DDHD2: variants seen among roughly 807,000 people sequenced by gnomAD.
DDHD2 encodes the protein DDHD domain containing 2.
DDHD2 carries 62 observed loss-of-function variants against 91.2 expected under a neutral mutation model. That is an observed-to-expected ratio of 0.68 (90% confidence interval 0.55 to 0.84). The LOEUF (loss-of-function observed/expected upper bound fraction) is 0.84. Ranked by LOEUF, DDHD2 falls within the 40% of genes least tolerant of loss-of-function variation. The probability of loss-of-function intolerance (pLI) is 0.00; values close to 1 mark genes in which losing one functional copy is unlikely to be tolerated. For synonymous variants in DDHD2, 271 were observed against 293.9 expected (o/e 0.92, Z 0.80); for missense variants, 740 against 846.9 (o/e 0.87, Z 1.57).
intron 9 of DDHD2, 70 bp from the exon 10 acceptor site, chr8:38,247,643 T>A: frequency 1.0e-6 from 1 of 1,002,078 alleles, no homozygotes. Context: ...ATGTATTTCT[T>A]TACTGCAAAA....
intron 1 of DDHD2, among the ~76,000 whole-genome samples, chr8:38,269,535 C>T (rs1280541573): frequency 6.6e-6 from 1 of 152,238 alleles, no homozygotes; most frequent in Non-Finnish European, 1.5e-5. Flanking sequence ...GAAAACCAAA[C>T]AGCCCGCTCT....
At chr8:38,237,993 G>A in intron 4 of DDHD2, 96 bp from the exon 5 acceptor site, 2 of 1,257,270 alleles carry the variant, frequency 1.6e-6, no homozygotes, top group South Asian at 3.3e-5. Context: ...ATTTTACTGT[G>A]TGGTTTGAAA....
downstream of DDHD2, chr8:38,264,448 A>C (rs776817022): frequency 5.8e-5 from 89 of 1,546,362 alleles, no homozygotes; most frequent in Non-Finnish European, 6.8e-5. Context: ...CAATTTTTAA[A>C]TATCAAAACA....
intron 16 of DDHD2, among the ~76,000 whole-genome samples, chr8:38,258,965 T>C (rs888527078): frequency 1.3e-5 from 2 of 152,196 alleles, no homozygotes; most frequent in African/African-American, 2.4e-5. Context: ...TAGAATAATA[T>C]CTGGAAAACG....
chr8:38,247,739 A>G lies in DDHD2; in HGVS notation c.1152A>G (p.Gln384=), dbSNP rs779860077. ...ATTCGCTAAATATTGTAATGGATCA[A>G]GGAGATACACCTACACTAGAGGAAG... ...EKDSLNIVMD[Q]GDTPTLEEDL... Residue 384 remains glutamine (Q), a synonymous_variant, in exon 10 of 18, where the codon CAA becomes CAG. Coordinates refer to ENST00000397166, the MANE Select transcript of DDHD2 (RefSeq NM_015214.3). 5.2e-6 allele frequency: 8 copies of G among 1,546,052 alleles called. No homozygotes were observed. The highest frequency in any genetic ancestry group is 7.0e-6 in the Non-Finnish European group (8 of 1,142,644).
chr8:38,245,310 C>T (rs1805537388), intron 7 of DDHD2, among the ~76,000 whole-genome samples: 1 of 151,616 alleles, frequency 6.6e-6, no homozygotes, highest in Non-Finnish European at 1.5e-5. Context: ...CACATGCCTG[C>T]AATTCCAGCT....
intron 6 of DDHD2, 134 bp from the exon 7 acceptor site, chr8:38,242,116 C>T (rs1027997151): frequency 7.2e-6 from 5 of 690,034 alleles, no homozygotes; most frequent in African/African-American, 3.7e-5. Flanking sequence ...TTCCTGAATA[C>T]CACTTTATTT....
intron 16 of DDHD2, 105 bp downstream of exon 16, chr8:38,253,823 T>TA: frequency 8.3e-7 from 1 of 1,199,446 alleles, no homozygotes; most frequent in Non-Finnish European, 1.2e-6. Flanking sequence ...CTCAGGCTTA[T>TA]AATCTCAGCA....
intron 1 of DDHD2, chr8:38,268,942 C>T (rs769241097): frequency 1.2e-5 from 18 of 1,561,352 alleles, no homozygotes; most frequent in South Asian, 8.2e-5. Flanking sequence ...AGAGCCACAT[C>T]TCCTCCGGCT....
rs746727123 is a variant in DDHD2 at position 38,232,948 on chromosome 8, G to A, written c.-8-39G>A. The A allele has an allele frequency of 2.6e-5, 40 of 1,520,772 alleles. No individual in the cohort carries two copies. The South Asian group carries it at 4.3e-4, about 16-fold the overall frequency. The allele number at this position is 1,520,772 out of a possible 1,614,324, so 94.2% of individuals were successfully genotyped here. A position where few individuals can be genotyped will look rare whatever the true frequency, so the allele number is the denominator to read the frequency against. On this transcript the variant is annotated intron_variant, in intron 1 of 17. Transcript: ENST00000397166. ...GTGTGTGTGTGCGAACAGTTACACA[G>A]TTAAGTTCGTTTTCCTGATAGTTTT...
At chr8:38,234,700 A>G in intron 3 of DDHD2, 116 bp downstream of exon 3, 1 of 723,768 alleles carries the variant, frequency 1.4e-6, no homozygotes, top group South Asian at 2.2e-5. Context: ...TGTCTGCATC[A>G]CATTATAAAA....
chr8:38,237,737 T>G, intron 4 of DDHD2, 110 bp downstream of exon 4: 1 of 605,158 alleles, frequency 1.7e-6, no homozygotes, highest in Admixed American at 3.7e-5. Flanking sequence ...TTTGTCAAAT[T>G]TTATATTGAA....
downstream of DDHD2, chr8:38,266,491 C>T (rs1368400984): frequency 1.2e-5 from 7 of 572,872 alleles, no homozygotes; most frequent in Non-Finnish European, 1.8e-5. Flanking sequence ...ACCTCCACCA[C>T]CCGGGTTCAA....
intron 10 of DDHD2, 109 bp from the exon 11 acceptor site, chr8:38,249,599 C>A: frequency 1.9e-6 from 1 of 534,702 alleles, no homozygotes. Flanking sequence ...TGATGTTTTA[C>A]TACTAGAGAG....
rs1170420591 is a variant in DDHD2 at position 38,231,858 on chromosome 8, A to C, written c.-10A>C. 1 of 152,812 alleles carries C rather than the reference A, an allele frequency of 6.5e-6. No individual in the cohort carries two copies. The highest frequency in any genetic ancestry group is 1.5e-5 in the Non-Finnish European group (1 of 68,878). 9.5% of individuals were successfully genotyped at this position (152,812 alleles called of 1,614,324 possible). A position where few individuals can be genotyped will look rare whatever the true frequency, so the allele number is the denominator to read the frequency against. ...GAGCCTGAGGAGTGGCGGGGCCGCC[A>C]GGTGAGACCGCGTCGGGCGGGCGGC... On this transcript the variant is annotated splice_region_variant and 5_prime_UTR_variant, in exon 1 of 18. Transcript: ENST00000397166.
intron 1 of DDHD2, chr8:38,232,290 A>C (rs1184173015): frequency 6.6e-6 from 1 of 152,358 alleles, no homozygotes; most frequent in Non-Finnish European, 1.5e-5. Context: ...ATCGTTGCCG[A>C]GTGGAAGGAG....
chr8:38,235,873 G>GCACACACACACACA (rs36055483), intron 3 of DDHD2, among the ~76,000 whole-genome samples: 46 of 147,780 alleles, frequency 3.1e-4, no homozygotes, highest in African/African-American at 9.3e-4. Flanking sequence ...AAGTACACGC[G>GCACACACACACACA]CACACACACA....
At chr8:38,265,160 G>A, downstream of DDHD2, 1 of 507,780 alleles carries the variant, frequency 2.0e-6, no homozygotes, top group South Asian at 2.4e-5. Context: ...CAGATACTCA[G>A]GAGGCTGAGG....
downstream of DDHD2, chr8:38,264,784 T>C: frequency 6.7e-7 from 1 of 1,497,836 alleles, no homozygotes; most frequent in South Asian, 1.4e-5. Context: ...ATAGTTACAG[T>C]ATTATCATTG....
Sources: gnomAD v4.1 joint callset for allele counts (sites outside exome capture counted in the v4.1 genomes callset) on GRCh38, gnomAD v4.1.1 for gene constraint, MANE v1.5 for transcripts, NCBI Gene and HGNC (gene_info 2026-07-23, HGNC 2026-07-21) for gene names.